ARMCX4: variants seen among roughly 807,000 people sequenced by gnomAD.
ARMCX4 encodes the protein armadillo repeat-containing X-linked protein 4.
ARMCX4 carries 3 observed loss-of-function variants against 34.7 expected under a neutral mutation model. The observed-to-expected ratio is 0.09, with a 90% confidence interval of 0.04 to 0.22. ARMCX4 has a LOEUF of 0.22. ARMCX4 is among the 10% of genes least tolerant of loss of function. ARMCX4 has a pLI of 1.00. For synonymous variants in ARMCX4, 513 were observed against 632.8 expected, an observed-to-expected ratio of 0.81 and a Z score of 2.84; for missense variants, 1,448 against 1,720.8, an observed-to-expected ratio of 0.84 and a Z score of 2.81.
intron 2 of ARMCX4, among the ~76,000 whole-genome samples, chrX:101,435,987 T>C (rs782142899): frequency 9.0e-6 from 1 of 111,688 alleles, no homozygotes; most frequent in South Asian, 3.7e-4. Context: ...GGTTCTGTTC[T>C]GTTCTATTGG....
intron 11 of ARMCX4, among the ~76,000 whole-genome samples, chrX:101,529,709 T>A (rs1935076189): frequency 8.9e-6 from 1 of 112,563 alleles, no homozygotes; most frequent in African/African-American, 3.2e-5. Flanking sequence ...AAGACATTTA[T>A]GCAGCCAACA....
chrX:101,502,989 T>G (rs1350035846), intron 7 of ARMCX4, among the ~76,000 whole-genome samples: 15 of 89,169 alleles, frequency 1.7e-4, no homozygotes, highest in Non-Finnish European at 3.0e-4. Flanking sequence ...CCTGTGTCCA[T>G]GTGTTCTCAT....
intron 2 of ARMCX4, among the ~76,000 whole-genome samples, chrX:101,435,656 C>T (rs1555994472): frequency 1.8e-5 from 2 of 109,385 alleles, no homozygotes; most frequent in Admixed American, 2.0e-4. Context: ...AATTAGATCC[C>T]ATTTGTCAAT....
intron 2 of ARMCX4, among the ~76,000 whole-genome samples, chrX:101,432,709 T>TATACATATATGTATATACACATATATAC (rs1569314315): frequency 2.8e-3 from 301 of 106,131 alleles, no homozygotes; most frequent in African/African-American, 9.0e-3. Context: ...CACATATATA[T>TATACATATATGTATATACACATATATAC]GTATACATAT....
intron 4 of ARMCX4, among the ~76,000 whole-genome samples, chrX:101,454,522 G>A (rs1010392156): frequency 2.8e-5 from 3 of 107,829 alleles, no homozygotes; most frequent in South Asian, 4.1e-4. Flanking sequence ...TCCTGACCTC[G>A]TGATCCGCCC....
downstream of ARMCX4, among the ~76,000 whole-genome samples, chrX:101,448,322 T>C (rs184965409): frequency 3.0e-3 from 336 of 112,222 alleles, no homozygotes; most frequent in African/African-American, 9.3e-3. Flanking sequence ...AGATATATGT[T>C]CAATATACTG....
At chrX:101,462,636 C>T (rs1427468099) in intron 4 of ARMCX4, among the ~76,000 whole-genome samples, 1 of 85,734 alleles carries the variant, frequency 1.2e-5, no homozygotes, top group Non-Finnish European at 2.2e-5. Flanking sequence ...GAGACTCTGT[C>T]TCAAAAAAAA....
At chrX:101,488,021 A>G in intron 4 of ARMCX4, 23 bp from the exon 5 acceptor site, 1 of 896,862 alleles carries the variant, frequency 1.1e-6, no homozygotes, top group South Asian at 2.1e-5. Flanking sequence ...CAGAGATCTC[A>G]TGAATTTATG....
chrX:101,429,626 G>A lies in ARMCX4; in HGVS notation n.164+10626G>A, dbSNP rs782728695. ...GTTGGGATTACAGGTGTGAGCCACC[G>A]CGCCCAGCCAGGTGTCTTAAGAATT... On this transcript the variant is annotated intron_variant and non_coding_transcript_variant, in intron 2 of 3. Coordinates refer to the ARMCX4 transcript ENST00000430461. 1.1e-4 allele frequency among the ~76,000 whole-genome samples: 12 copies of A among 110,904 alleles called. No homozygotes were observed. The East Asian group carries it at 1.1e-3, about 10-fold the overall frequency.
Position 101,494,298 on chromosome X carries a change from G to A in ARMCX4, c.5709G>A (p.Leu1903=), listed in dbSNP as rs1798411393. 1 of 1,155,525 alleles carries A rather than the reference G, an allele frequency of 8.7e-7. No individual in the cohort carries two copies. ...PDIEEISLRS[L]FWAESENSNT... is the part of the protein sequence containing the mutation. ...TTGAGGAGATCAGTTTAAGGTCTTT[G>A]TTTTGGGCTGAGAGTGAGAACAGTA... Residue 1903 remains leucine, a synonymous_variant, in exon 6 of 6, where the codon TTG becomes TTA. Transcript: ENST00000423738.
chrX:101,431,333 C>G (rs1049017975), intron 2 of ARMCX4, among the ~76,000 whole-genome samples: 1 of 111,573 alleles, frequency 9.0e-6, no homozygotes, highest in Admixed American at 9.6e-5. Flanking sequence ...CAAGAACAGA[C>G]ACATATCACT....
chrX:101,527,499 A>C (rs1275356119), intron 11 of ARMCX4, among the ~76,000 whole-genome samples: 5 of 111,652 alleles, frequency 4.5e-5, no homozygotes, highest in African/African-American at 1.3e-4. Flanking sequence ...AATGAAGGAA[A>C]TAGAGACACA....
rs781954257 is a variant in ARMCX4 at position 101,526,662 on chromosome X, G to A, written c.*1781-4982G>A. Among the ~76,000 whole-genome samples the A allele has an allele frequency of 9.1e-3, 1,010 of 111,332 alleles. 8 individuals are homozygous for A. The highest frequency in any genetic ancestry group is 0.031 in the African/African-American group (942 of 30,605). ...AGATCTACCAAGCAAATGGAAAACA[G>A]AAAAAAGCAGGGGTTGCAATCCTAG... On this transcript the variant is annotated intron_variant and NMD_transcript_variant, in intron 11 of 12. Coordinates refer to the ARMCX4 transcript ENST00000354842.
chrX:101,465,923 G>T (rs782182260), intron 4 of ARMCX4, among the ~76,000 whole-genome samples: 2 of 111,281 alleles, frequency 1.8e-5, no homozygotes, highest in Non-Finnish European at 3.8e-5. Flanking sequence ...AAATATAATA[G>T]AAAATATTTG....
intron 12 of ARMCX4, chrX:101,532,992 G>C (rs1356564452): frequency 1.8e-5 from 2 of 109,983 alleles, no homozygotes; most frequent in Non-Finnish European, 3.8e-5. Flanking sequence ...AAAGGAGTGG[G>C]CCATGGTGGT....
chrX:101,435,251 C>T lies in ARMCX4; in HGVS notation n.165-8801C>T, dbSNP rs782716887. ...GTGGTTGAACTAGTTTACATTCCCA[C>T]CAACAGTGTAAAAGTATTCCTATTT... On this transcript the variant is annotated intron_variant and non_coding_transcript_variant, in intron 2 of 3. Transcript: ENST00000430461. Among the ~76,000 whole-genome samples, 18 of 112,110 alleles carry T rather than the reference C, an allele frequency of 1.6e-4. No individual in the cohort carries two copies. In the East Asian group the frequency reaches 4.2e-3, roughly 26 times the overall value.
rs782501643 is a variant in ARMCX4, at chrX:101,435,360, G to A, written n.165-8692G>A. On this transcript the variant is annotated intron_variant and non_coding_transcript_variant, in intron 2 of 3. Coordinates refer to the ARMCX4 transcript ENST00000430461. ...TGGTGTGAGATGGTATCTCATTGTG[G>A]TTTTGATTTGCATTTCTCTGATGGC... 7.7e-3 allele frequency among the ~76,000 whole-genome samples: 855 copies of A among 111,369 alleles called. 9 individuals carry two copies. The highest frequency in any genetic ancestry group is 0.026 in the African/African-American group (811 of 30,660).
intron 2 of ARMCX4, among the ~76,000 whole-genome samples, chrX:101,438,324 G>A (rs1378646844): frequency 8.9e-6 from 1 of 111,936 alleles, no homozygotes; most frequent in Non-Finnish European, 1.9e-5. Context: ...CAGCACTTTG[G>A]GAGGCTGAAG....
downstream of ARMCX4, among the ~76,000 whole-genome samples, chrX:101,450,115 A>C (rs1236853269): frequency 8.9e-6 from 1 of 112,177 alleles, no homozygotes; most frequent in Non-Finnish European, 1.9e-5. Context: ...GCTGGAGGTT[A>C]AGCGAGAAAA....
Sources: allele counts gnomAD v4.1 joint callset (sites outside exome capture counted in the v4.1 genomes callset), GRCh38; gene constraint gnomAD v4.1.1; transcripts MANE v1.5; gene names NCBI Gene and HGNC (gene_info 2026-07-23, HGNC 2026-07-21).